Variants in PGBD2 observed in about 807,000 individuals in gnomAD.
PGBD2 encodes the protein piggyBac transposable element derived 2, also known as piggyBac transposable element-derived protein 2.
PGBD2 carries 6 observed loss-of-function variants against 8.1 expected under a neutral mutation model. The ratio of observed to expected loss-of-function variants is 0.74; its 90% CI spans 0.40 to 1.46. The LOEUF is 1.46. PGBD2 is among the 40% of genes most tolerant of loss of function. The pLI is 0.02. For missense variants in PGBD2, 802 were observed against 739.0 expected (o/e 1.09, Z -0.99); for synonymous variants, 318 against 272.2 (o/e 1.17, Z -1.66).
At chr1:248,902,128 G>C (rs924784524), upstream of PGBD2, among the ~76,000 whole-genome samples, 1 of 152,066 alleles carries the variant, frequency 6.6e-6, no homozygotes, top group Non-Finnish European at 1.5e-5. Flanking sequence ...AAATAGCCAG[G>C]CATGGTGGCA....
intron 1 of PGBD2, among the ~76,000 whole-genome samples, chr1:248,907,479 G>A (rs531755146): frequency 8.5e-5 from 13 of 152,294 alleles, no homozygotes; most frequent in African/African-American, 2.4e-4. Flanking sequence ...CAGCACAGAC[G>A]GGTGTCGGGC....
At chr1:248,875,282 C>T in the PGBD2 span, among the ~76,000 whole-genome samples, 932 of 127,542 alleles carry the variant, frequency 7.3e-3, 19 homozygotes, top group African/African-American at 0.027. Flanking sequence ...GGCGACAGAG[C>T]GAGACTCCGT....
At chr1:248,888,573 A>G in the PGBD2 span, among the ~76,000 whole-genome samples, 2 of 151,986 alleles carry the variant, frequency 1.3e-5, no homozygotes, top group Non-Finnish European at 2.9e-5. Context: ...CCCTTTGCTC[A>G]TTTTTTAATG....
chr1:248,905,839 C>G (rs927189071), upstream of PGBD2, among the ~76,000 whole-genome samples: 6 of 152,260 alleles, frequency 3.9e-5, no homozygotes, highest in East Asian at 1.2e-3. Flanking sequence ...GTTGGTAAGG[C>G]CGATTATTGG....
chr1:248,873,711 C>G, the PGBD2 span, among the ~76,000 whole-genome samples: 3 of 152,220 alleles, frequency 2.0e-5, no homozygotes, highest in Non-Finnish European at 4.4e-5. Context: ...GCGGCTTTCT[C>G]CAGAGCTCCG....
chr1:248,909,387 G>C (rs1661782592), intron 1 of PGBD2, among the ~76,000 whole-genome samples: 1 of 152,160 alleles, frequency 6.6e-6, no homozygotes, highest in South Asian at 2.1e-4. Context: ...TCTTTTAGGA[G>C]TATATTTTAG....
the PGBD2 span, among the ~76,000 whole-genome samples, chr1:248,892,392 G>A: frequency 1.5e-4 from 23 of 151,750 alleles, no homozygotes; most frequent in Non-Finnish European, 3.1e-4. Flanking sequence ...CGGTCATAGA[G>A]GGACTTGGGT....
At chr1:248,874,356 C>A in the PGBD2 span, among the ~76,000 whole-genome samples, 4 of 152,298 alleles carry the variant, frequency 2.6e-5, no homozygotes, top group Non-Finnish European at 2.9e-5. Context: ...CAGGGCTAAC[C>A]ATAGGTGATG....
chr1:248,926,300 A>G, the PGBD2 span, among the ~76,000 whole-genome samples: 2 of 152,208 alleles, frequency 1.3e-5, no homozygotes, highest in African/African-American at 4.8e-5. Context: ...AAATAATTTT[A>G]CATTATTATT....
At chr1:248,925,606 T>C in the PGBD2 span, among the ~76,000 whole-genome samples, 1 of 151,186 alleles carries the variant, frequency 6.6e-6, no homozygotes, top group Non-Finnish European at 1.5e-5. Flanking sequence ...TCGTGAATTA[T>C]TGTAAATAAG....
chr1:248,907,828 A>G lies in PGBD2; in HGVS notation c.-48+1486A>G, dbSNP rs193083959. On this transcript the variant is annotated intron_variant, in intron 1 of 2. Coordinates refer to ENST00000329291, the MANE Select transcript of PGBD2 (RefSeq NM_170725.3). ...TCAGGGCAAAGCAATTGTTCAAGGT[A>G]CAGGTCAAAATGGAATTTCTTATGT... Among the ~76,000 whole-genome samples, 307 of 152,350 alleles carry G rather than the reference A, an allele frequency of 2.0e-3. 1 individual carries two copies. The highest frequency in any genetic ancestry group is 6.8e-3 in the Middle Eastern group (2 of 294).
the PGBD2 span, among the ~76,000 whole-genome samples, chr1:248,889,556 G>C: frequency 6.6e-6 from 1 of 152,104 alleles, no homozygotes; most frequent in Admixed American, 6.5e-5. Flanking sequence ...TCCCTTTCTA[G>C]CTTCATGCAT....
At chr1:248,924,245 CT>C (rs1373114103), downstream of PGBD2, among the ~76,000 whole-genome samples, 2 of 152,192 alleles carry the variant, frequency 1.3e-5, no homozygotes, top group South Asian at 4.1e-4. Context: ...TTCTTATGCG[CT>C]TTTTTTCTAA....
chr1:248,902,739 A>C (rs1484058911), upstream of PGBD2, among the ~76,000 whole-genome samples: 1 of 151,928 alleles, frequency 6.6e-6, no homozygotes, highest in East Asian at 1.9e-4. Flanking sequence ...CAGCAAACTA[A>C]TGTAGGAACA....
At chr1:248,915,498 C>T (rs527791041) in intron 2 of PGBD2, among the ~76,000 whole-genome samples, 2 of 152,146 alleles carry the variant, frequency 1.3e-5, no homozygotes, top group African/African-American at 4.8e-5. Context: ...GTTCTGAGCA[C>T]GATTAAGGTA....
At chr1:248,875,456 A>G in the PGBD2 span, among the ~76,000 whole-genome samples, 1 of 152,160 alleles carries the variant, frequency 6.6e-6, no homozygotes, top group African/African-American at 2.4e-5. Context: ...ATGCTAGTCT[A>G]CATTCGAATT....
Position 248,917,298 on chromosome 1 carries a change from A to T in PGBD2, c.714A>T (p.Ala238=). The change falls in exon 3 of 3, where the codon GCA becomes GCT. Residue 238 remains alanine, a synonymous_variant. Coordinates refer to ENST00000329291, the MANE Select transcript of PGBD2 (RefSeq NM_170725.3). ...TTGCAGATAACAACGAACTTGATGC[A>T]AGTGATAGGTTTGCCAAGGTCAGAC... is the stretch of plus-strand genomic sequence containing the variant. ...LHFADNNELD[A]SDRFAKVRPL... is the part of the protein sequence containing the mutation. The T allele has an allele frequency of 6.2e-7, 1 of 1,614,206 alleles. No homozygotes were observed. The highest frequency in any genetic ancestry group is 2.2e-5 in the East Asian group (1 of 44,886).
the PGBD2 span, among the ~76,000 whole-genome samples, chr1:248,891,490 T>C: frequency 9.2e-5 from 14 of 152,346 alleles, no homozygotes; most frequent in East Asian, 2.5e-3. Flanking sequence ...ATAAGAGATA[T>C]ATACTTTGAT....
chr1:248,916,950 C>T lies in PGBD2; in HGVS notation c.366C>T (p.Gly122=). The T allele has an allele frequency of 6.2e-7, 1 of 1,613,474 alleles. No individual in the cohort carries two copies. Among genetic ancestry groups the T allele is most frequent in the South Asian group, 1.1e-5 (1 of 91,002 alleles). The change falls in exon 3 of 3, where the codon GGC becomes GGT. Residue 122 remains glycine, a synonymous_variant. Coordinates refer to ENST00000329291, the MANE Select transcript of PGBD2 (RefSeq NM_170725.3). ...WTKRDIRPDF[G]SWTASDPHIE... Reference sequence around the variant, plus strand: ...AAAGAGATATTCGTCCAGACTTTGGCAGTTGGACTGCATCAGATCCTCATA... The same window carrying T: ...AAAGAGATATTCGTCCAGACTTTGGTAGTTGGACTGCATCAGATCCTCATA...
Sources: allele counts gnomAD v4.1 joint callset (sites outside exome capture counted in the v4.1 genomes callset), GRCh38; gene constraint gnomAD v4.1.1; transcripts MANE v1.5; gene names NCBI Gene and HGNC (gene_info 2026-07-23, HGNC 2026-07-21).